KCNQ2: variants seen among roughly 807,000 people sequenced by gnomAD.
KCNQ2 encodes potassium voltage-gated channel subfamily Q member 2.
KCNQ2 carries 14 observed loss-of-function variants against 84.8 expected under a neutral mutation model. The ratio of observed to expected loss-of-function variants is 0.17; its 90% CI spans 0.11 to 0.26. The LOEUF (loss-of-function observed/expected upper bound fraction) is 0.26. Among genes scored for constraint, KCNQ2 ranks in the 10% least tolerant of loss-of-function variants. The pLI is 1.00. For synonymous variants in KCNQ2, 599 were observed against 554.1 expected, an observed-to-expected ratio of 1.08 and a Z score of -1.14; for missense variants, 788 against 1,254.0, an observed-to-expected ratio of 0.63 and a Z score of 5.61.
rs564051658 is a variant in KCNQ2 at position 63,428,018 on chromosome 20, C to T, written c.1217+349G>A. Among the ~76,000 whole-genome samples the T allele has an allele frequency of 2.0e-5, 3 of 152,354 alleles. No individual in the cohort carries two copies. The East Asian group carries it at 5.8e-4, about 29-fold the overall frequency. On this transcript the variant is annotated intron_variant, in intron 10 of 16. Transcript: ENST00000359125. Reference sequence around the variant, plus strand: ...GGAGAGGCAGCAGGCGCCATCAGCACCTGAGTTACCACCAGGCACTCGAGA... The same window carrying T: ...GGAGAGGCAGCAGGCGCCATCAGCATCTGAGTTACCACCAGGCACTCGAGA...
rs555632610 is a variant in KCNQ2, at chr20:63,439,719, G to A, written c.817-11C>T. The A allele has an allele frequency of 1.9e-5, 31 of 1,590,498 alleles. No individual in the cohort carries two copies. The highest frequency in any genetic ancestry group is 1.5e-4 in the Admixed American group (9 of 60,006). ...GGTGGTCAGCGTGATCTGTGGGACC[G>A]CAGGCTCTAGTCACACGAAGGGCCT... On this transcript the variant is annotated splice_polypyrimidine_tract_variant and intron_variant, in intron 5 of 16. Transcript: ENST00000359125.
intron 1 of KCNQ2, among the ~76,000 whole-genome samples, chr20:63,471,516 G>A (rs2082213113): frequency 1.3e-5 from 2 of 152,314 alleles, no homozygotes; most frequent in East Asian, 1.9e-4. Context: ...GCACGGGGGC[G>A]GCCGGCGGCT....
At chr20:63,430,087 G>A (rs1201544566) in intron 9 of KCNQ2, among the ~76,000 whole-genome samples, 2 of 152,226 alleles carry the variant, frequency 1.3e-5, no homozygotes, top group Non-Finnish European at 2.9e-5. Flanking sequence ...ACGCACGCAG[G>A]CCCAGGTGAG....
intron 11 of KCNQ2, chr20:63,422,752 G>C (rs1319572633): frequency 2.0e-5 from 3 of 152,396 alleles, no homozygotes; most frequent in African/African-American, 7.2e-5. Flanking sequence ...TGGAGGGTGG[G>C]AGGGAGAGAG....
chr20:63,412,157 A>C, intron 15 of KCNQ2: 1 of 410,648 alleles, frequency 2.4e-6, no homozygotes, highest in Non-Finnish European at 4.4e-6. Flanking sequence ...AGTGCAGGGG[A>C]GGTGCCCGCA....
In KCNQ2 at chr20:63,438,466, C is replaced by T. The variant is rs1056768011; in HGVS notation, c.1023+159G>A. On this transcript the variant is annotated intron_variant, in intron 7 of 16. Transcript: ENST00000359125. This position sits in a 1 kb window ranked among gnomAD's most constrained non-coding sequence, Gnocchi z 5.1. ...GGTTGGAGCCATTTCTCAACACACA[C>T]ACTTCACATCCTCGCTCCTTCCACA... 18 of 701,074 alleles carry T rather than the reference C, an allele frequency of 2.6e-5. No homozygotes were observed. In the East Asian group the frequency reaches 2.9e-4, roughly 11 times the overall value. The allele number at this position is 701,074 out of a possible 1,614,324, so 43.4% of individuals were successfully genotyped here.
intron 1 of KCNQ2, among the ~76,000 whole-genome samples, chr20:63,456,414 T>G (rs1274624090): frequency 6.6e-6 from 1 of 152,146 alleles, no homozygotes; most frequent in Non-Finnish European, 1.5e-5. Context: ...TCAGGCCCCT[T>G]CCCCAGAGGC....
chr20:63,430,917 C>T (rs1302609379), intron 9 of KCNQ2, among the ~76,000 whole-genome samples: 6 of 152,298 alleles, frequency 3.9e-5, no homozygotes, highest in East Asian at 3.9e-4. Flanking sequence ...GGGTGCCCAG[C>T]GCCAGGGCAG....
In KCNQ2 at chr20:63,414,152, A is replaced by G; in HGVS notation, c.1567T>C (p.Cys523Arg). Residue 523 changes from cysteine (C) to arginine (R), a missense_variant, in exon 14 of 17, where the codon TGC becomes CGC. Physicochemically the swap from Cys to Arg is radical, Grantham distance 180. Coordinates refer to ENST00000359125, the MANE Select transcript of KCNQ2 (RefSeq NM_172107.4). The surrounding 1 kb of genome is among the most constrained non-coding windows in gnomAD (Gnocchi z 6.6). Reference sequence around the variant, plus strand: ...TCCTCGGTCACAAACTCGCAGGGGCAGCTCTTGTCATCCACAATGTCCTCT... The same window carrying G: ...TCCTCGGTCACAAACTCGCAGGGGCGGCTCTTGTCATCCACAATGTCCTCT... Reference protein sequence around the residue: ...PGEDIVDDKSCPCEFVTEDLT... With the variant: ...PGEDIVDDKSRPCEFVTEDLT... The G allele has an allele frequency of 6.2e-7, 1 of 1,613,706 alleles. No homozygotes were observed. The highest frequency in any genetic ancestry group is 8.5e-7 in the Non-Finnish European group (1 of 1,179,958).
chr20:63,410,021 AAC>A, intron 15 of KCNQ2: 1 of 280,936 alleles, frequency 3.6e-6, no homozygotes, highest in Non-Finnish European at 7.0e-6. Context: ...TGTTGCGAGA[AAC>A]AGAGAGGGTT....
At position 63,414,463 on chromosome 20, in the gene KCNQ2, G is replaced by A. The variant is rs2080223655; in HGVS notation, c.1526-270C>T. On this transcript the variant is annotated intron_variant, in intron 13 of 16. Coordinates refer to ENST00000359125, the MANE Select transcript of KCNQ2 (RefSeq NM_172107.4). The surrounding 1 kb of genome is among the most constrained non-coding windows in gnomAD (Gnocchi z 6.6). The stretch of plus-strand genomic sequence containing the variant: ...GGCCAATGGATGAACAGAACATGGC[G>A]CATCCACGCACAGATGTTAACGGCG... Among the ~76,000 whole-genome samples the A allele has an allele frequency of 6.6e-6, 1 of 152,124 alleles. No individual in the cohort carries two copies. Among genetic ancestry groups the A allele is most frequent in the Admixed American group, 6.5e-5 (1 of 15,278 alleles).
chr20:63,462,864 TCCACA>T (rs1366550865), intron 1 of KCNQ2, among the ~76,000 whole-genome samples: 1 of 152,052 alleles, frequency 6.6e-6, no homozygotes, highest in African/African-American at 2.4e-5. Flanking sequence ...ACGGAGTGAC[TCCACA>T]CATGTGAAAA....
intron 1 of KCNQ2, chr20:63,459,775 G>C (rs1337513304): frequency 6.6e-6 from 1 of 152,230 alleles, no homozygotes; most frequent in African/African-American, 2.4e-5. Context: ...AAACCGTGTT[G>C]TCAAGGTCTG....
In KCNQ2 at chr20:63,438,577, G is replaced by A. The variant is rs544196418; in HGVS notation, c.1023+48C>T. On this transcript the variant is annotated intron_variant, in intron 7 of 16. Transcript: ENST00000359125. The surrounding 1 kb of genome is among the most constrained non-coding windows in gnomAD (Gnocchi z 5.1). The stretch of plus-strand genomic sequence containing the variant: ...GCGGCCTCCACTCCTCAACAAGGTG[G>A]GACCAGGACAAGGGCTGTGCTGGTC... 11 of 1,529,116 alleles carry A rather than the reference G, an allele frequency of 7.2e-6. No homozygotes were observed. The African/African-American group carries it at 1.2e-4, about 17-fold the overall frequency. The allele number at this position is 1,529,116 out of a possible 1,614,324, so 94.7% of individuals were successfully genotyped here. A position where few individuals can be genotyped will look rare whatever the true frequency, so the allele number is the denominator to read the frequency against.
Position 63,425,063 on chromosome 20 carries a change from GC to G in KCNQ2, c.1218-858del, listed in dbSNP as rs1231272845. Among the ~76,000 whole-genome samples, 1 of 151,580 alleles carries G rather than the reference GC, an allele frequency of 6.6e-6. No homozygotes were observed. The highest frequency in any genetic ancestry group is 1.5e-5 in the Non-Finnish European group (1 of 67,882). ...GGTGTCCTTGGCTTGTGGCTGCACC[GC>G]CCCGTCTCTGCCTCCGTCTCTACAC... is the stretch of plus-strand genomic sequence containing the variant. On this transcript the variant is annotated intron_variant, in intron 10 of 16. Transcript: ENST00000359125. The surrounding 1 kb of genome is among the most constrained non-coding windows in gnomAD (Gnocchi z 5.5).
chr20:63,446,853 G>C lies in KCNQ2; in HGVS notation c.297-16C>G. 6.2e-7 allele frequency: 1 copy of C among 1,609,554 alleles called. No homozygotes were observed. Among genetic ancestry groups the C allele is most frequent in the South Asian group, 1.1e-5 (1 of 91,002 alleles). ...CAGGAGGAACCTGGGGGCAGGGAAC[G>C]CGCGCTCTCAGACAGGCCGCAGCAG... On this transcript the variant is annotated splice_polypyrimidine_tract_variant and intron_variant, in intron 1 of 16. Transcript: ENST00000359125. This position sits in a 1 kb window ranked among gnomAD's most constrained non-coding sequence, Gnocchi z 5.5.
At position 63,406,982 on chromosome 20, in the gene KCNQ2, C is replaced by A. The variant is rs587780366; in HGVS notation, c.2281G>T (p.Ala761Ser). ...SLSAYGGGNR[A>S]SMEFLRQEDT... The stretch of plus-strand genomic sequence containing the variant: ...TCCTGCCGCAGGAACTCCATGCTGG[C>A]GCGGTTGCCCCCGCCGTAGGCGGAC... Residue 761 changes from alanine to serine, a missense_variant, in exon 17 of 17, where the codon GCC (alanine) becomes TCC (serine). Ala to Ser is a moderately conservative substitution (Grantham distance 99, BLOSUM62 1). Coordinates refer to ENST00000359125, the MANE Select transcript of KCNQ2 (RefSeq NM_172107.4). The A allele has an allele frequency of 1.6e-5, 24 of 1,527,990 alleles. No individual in the cohort carries two copies. Among genetic ancestry groups the A allele is most frequent in the Non-Finnish European group, 1.9e-5 (22 of 1,139,748 alleles). The allele number at this position is 1,527,990 out of a possible 1,614,324, so 94.7% of individuals were successfully genotyped here. A position where few individuals can be genotyped will look rare whatever the true frequency, so the allele number is the denominator to read the frequency against.
At chr20:63,440,477 C>T (rs1347980375) in intron 5 of KCNQ2, among the ~76,000 whole-genome samples, 4 of 152,200 alleles carry the variant, frequency 2.6e-5, no homozygotes, top group East Asian at 1.9e-4. Flanking sequence ...CTGCCAGAAC[C>T]GCACGCACCA....
At chr20:63,471,906 G>A in intron 1 of KCNQ2, 1 of 440,254 alleles carries the variant, frequency 2.3e-6, no homozygotes. Flanking sequence ...AGGGGGCTGG[G>A]GCGGCCGCAC....
Sources: allele counts gnomAD v4.1 joint callset (sites outside exome capture counted in the v4.1 genomes callset), GRCh38; gene constraint gnomAD v4.1.1; non-coding constraint Gnocchi (gnomAD v3.1); transcripts MANE v1.5; gene names NCBI Gene and HGNC (gene_info 2026-07-23, HGNC 2026-07-21).